PRR5L: variants seen among roughly 807,000 people sequenced by gnomAD.
PRR5L encodes proline rich 5 like.
In PRR5L, 21 loss-of-function variants were observed where a neutral mutation model predicts 36.4. The ratio of observed to expected loss-of-function variants is 0.58; its 90% CI spans 0.41 to 0.83. The LOEUF (loss-of-function observed/expected upper bound fraction) is 0.83. PRR5L is among the 40% of genes least tolerant of loss of function. The pLI, the probability that PRR5L is intolerant of heterozygous loss-of-function variation, is 0.00. For synonymous variants in PRR5L, 188 were observed against 197.0 expected, an observed-to-expected ratio of 0.95 and a Z score of 0.38; for missense variants, 381 against 473.3, an observed-to-expected ratio of 0.80 and a Z score of 1.81.
At chr11:36,402,627 T>C (rs74447875) in intron 2 of PRR5L, among the ~76,000 whole-genome samples, 7,572 of 152,298 alleles carry the variant, frequency 0.05, 293 homozygotes, top group South Asian at 0.088. Context: ...AATGTTTTGG[T>C]GTTAAATGGA....
At chr11:36,399,125 G>A (rs887588841) in intron 1 of PRR5L, among the ~76,000 whole-genome samples, 1 of 152,114 alleles carries the variant, frequency 6.6e-6, no homozygotes, top group Non-Finnish European at 1.5e-5. Context: ...TTTGGTTTGT[G>A]TAGATCTTTC....
chr11:36,419,954 CATTGTCTGG>C (rs1858228209), intron 4 of PRR5L, among the ~76,000 whole-genome samples: 1 of 152,182 alleles, frequency 6.6e-6, no homozygotes, highest in South Asian at 2.1e-4. Flanking sequence ...CATCTGGATC[CATTGTCTGG>C]ATCAGTCAGA....
intron 3 of PRR5L, among the ~76,000 whole-genome samples, chr11:36,412,372 C>T (rs532841271): frequency 2.0e-5 from 3 of 152,220 alleles, no homozygotes; most frequent in Non-Finnish European, 2.9e-5. Context: ...AAAAAAATGC[C>T]GGGTTCCATC....
At chr11:36,354,990 TG>T (rs1488611124) in intron 1 of PRR5L, among the ~76,000 whole-genome samples, 3 of 152,208 alleles carry the variant, frequency 2.0e-5, no homozygotes, top group Non-Finnish European at 4.4e-5. Flanking sequence ...GAGAAAATGC[TG>T]CTTGGAGATG....
chr11:36,401,697 C>T (rs1311069715), intron 2 of PRR5L, among the ~76,000 whole-genome samples: 1 of 152,132 alleles, frequency 6.6e-6, no homozygotes, highest in African/African-American at 2.4e-5. Context: ...CCTTCCAAAG[C>T]GCTGGGATTA....
chr11:36,354,220 A>G (rs1857003697), intron 1 of PRR5L, among the ~76,000 whole-genome samples: 1 of 152,220 alleles, frequency 6.6e-6, no homozygotes, highest in South Asian at 2.1e-4. Flanking sequence ...ATAAGATAAT[A>G]CATGTGAAGC....
At chr11:36,423,476 G>A (rs1858315848) in intron 4 of PRR5L, among the ~76,000 whole-genome samples, 1 of 152,110 alleles carries the variant, frequency 6.6e-6, no homozygotes, top group Non-Finnish European at 1.5e-5. Flanking sequence ...AAGGATTCAC[G>A]GCAAGCTGGA....
chr11:36,351,657 A>AT lies in PRR5L; in HGVS notation c.-125-49340_-125-49339insT, dbSNP rs1491431024. Among the ~76,000 whole-genome samples, 5 of 2,088 alleles carry AT rather than the reference A, an allele frequency of 2.4e-3. 1 individual carries two copies. The highest frequency in any genetic ancestry group is 4.3e-3 in the African/African-American group (2 of 466). The allele number at this position is 2,088 out of a possible 152,430, so 1.4% of individuals were successfully genotyped here. A position where few individuals can be genotyped will look rare whatever the true frequency, so the allele number is the denominator to read the frequency against. On this transcript the variant is annotated intron_variant, in intron 1 of 8. Transcript: ENST00000530639. ...TAAATATATATTTATATATTTATATAAATATATATTTATATACTTATATAT... is the reference window on the plus strand; with the variant it reads ...TAAATATATATTTATATATTTATATATAATATATATTTATATACTTATATAT...
intron 7 of PRR5L, among the ~76,000 whole-genome samples, chr11:36,450,286 G>A (rs115060181): frequency 0.012 from 1,759 of 152,268 alleles, 36 homozygotes; most frequent in African/African-American, 0.04. Flanking sequence ...ACTCCATTTC[G>A]AGAATTTGCA....
chr11:36,303,043 C>A (rs12292704), intron 1 of PRR5L, among the ~76,000 whole-genome samples: 61,122 of 151,928 alleles, frequency 0.4, 12,916 homozygotes, highest in East Asian at 0.53. Flanking sequence ...GGCTCCAGAG[C>A]CCACGCTGCC....
intron 1 of PRR5L, among the ~76,000 whole-genome samples, chr11:36,359,214 G>C (rs919733695): frequency 2.0e-5 from 3 of 152,188 alleles, no homozygotes; most frequent in Admixed American, 6.5e-5. Context: ...TCCTTTGTAC[G>C]TGAAGCGGTA....
chr11:36,405,108 G>A (rs1020841281), intron 3 of PRR5L, among the ~76,000 whole-genome samples: 4 of 152,156 alleles, frequency 2.6e-5, no homozygotes, highest in African/African-American at 7.2e-5. Flanking sequence ...AGCTGGGAGA[G>A]GTACAGGTCA....
chr11:36,331,953 G>T (rs12419171), intron 1 of PRR5L, among the ~76,000 whole-genome samples: 1 of 152,014 alleles, frequency 6.6e-6, no homozygotes, highest in Non-Finnish European at 1.5e-5. Context: ...GCTGTTTGAC[G>T]TTGGATAGGT....
chr11:36,308,082 C>A (rs1394127091), intron 1 of PRR5L, among the ~76,000 whole-genome samples: 1 of 152,246 alleles, frequency 6.6e-6, no homozygotes, highest in African/African-American at 2.4e-5. Flanking sequence ...GGGTCATTGT[C>A]CCCTGAGGGG....
At chr11:36,323,099 C>T (rs1856628877) in intron 1 of PRR5L, among the ~76,000 whole-genome samples, 1 of 152,128 alleles carries the variant, frequency 6.6e-6, no homozygotes, top group Non-Finnish European at 1.5e-5. Context: ...GCCACCCAGT[C>T]TGTGGTACTT....
At chr11:36,339,482 A>G (rs948034603) in intron 1 of PRR5L, among the ~76,000 whole-genome samples, 3 of 152,246 alleles carry the variant, frequency 2.0e-5, no homozygotes, top group African/African-American at 7.2e-5. Flanking sequence ...ACTTATTTAA[A>G]TTATTATAAC....
chr11:36,434,699 C>T (rs747983913), intron 5 of PRR5L, among the ~76,000 whole-genome samples: 3 of 152,194 alleles, frequency 2.0e-5, no homozygotes, highest in East Asian at 1.9e-4. Flanking sequence ...CAACCCCCTT[C>T]ATTTTTGCAG....
intron 3 of PRR5L, among the ~76,000 whole-genome samples, chr11:36,408,099 C>A (rs1428112951): frequency 6.6e-6 from 1 of 152,102 alleles, no homozygotes; most frequent in Non-Finnish European, 1.5e-5. Context: ...CATGGCAAAA[C>A]CCTGACTCTA....
At chr11:36,385,804 T>C (rs1235364709) in intron 1 of PRR5L, among the ~76,000 whole-genome samples, 1 of 152,260 alleles carries the variant, frequency 6.6e-6, no homozygotes, top group Non-Finnish European at 1.5e-5. Flanking sequence ...ACTTCTGCTC[T>C]GCTATGTCTG....
Sources: gnomAD v4.1 joint callset for allele counts (sites outside exome capture counted in the v4.1 genomes callset) on GRCh38, gnomAD v4.1.1 for gene constraint, MANE v1.5 for transcripts, NCBI Gene and HGNC (gene_info 2026-07-23, HGNC 2026-07-21) for gene names.